Variants in DKK2 observed in about 807,000 individuals in gnomAD.
The protein encoded by DKK2 is dickkopf-related protein 2.
A neutral mutation model predicts 28.1 loss-of-function variants in DKK2; 11 were observed. The ratio of observed to expected loss-of-function variants is 0.39; its 90% CI spans 0.25 to 0.65. The LOEUF is 0.65. Ranked by LOEUF, DKK2 falls within the 30% of genes least tolerant of loss-of-function variation. The probability of loss-of-function intolerance (pLI) is 0.47; values close to 1 mark genes in which losing one functional copy is unlikely to be tolerated. For missense variants in DKK2, 326 were observed against 335.5 expected (o/e 0.97, Z 0.22); for synonymous variants, 135 against 126.5 (o/e 1.07, Z -0.45).
chr4:106,947,820 G>A (rs141307728), intron 1 of DKK2, among the ~76,000 whole-genome samples: 16 of 151,974 alleles, frequency 1.1e-4, no homozygotes, highest in African/African-American at 3.6e-4. Flanking sequence ...GGCTGCAGGT[G>A]TATACCACCA....
At chr4:107,008,933 T>A (rs545790586) in intron 1 of DKK2, among the ~76,000 whole-genome samples, 1 of 152,160 alleles carries the variant, frequency 6.6e-6, no homozygotes, top group African/African-American at 2.4e-5. Flanking sequence ...AACTAGATTA[T>A]CTAACAGAAA....
intron 1 of DKK2, among the ~76,000 whole-genome samples, chr4:106,965,762 C>T (rs1722771655): frequency 7.9e-6 from 1 of 126,692 alleles, no homozygotes; most frequent in Non-Finnish European, 1.6e-5. Context: ...CACCCCACAA[C>T]AGTCCCCAGA....
chr4:106,980,480 C>T (rs1259326571), intron 1 of DKK2, among the ~76,000 whole-genome samples: 1 of 151,924 alleles, frequency 6.6e-6, no homozygotes, highest in Non-Finnish European at 1.5e-5. Context: ...AAAGTAAAGC[C>T]AATGGAAGAT....
chr4:106,950,735 T>A (rs1316884029), intron 1 of DKK2, among the ~76,000 whole-genome samples: 1 of 152,190 alleles, frequency 6.6e-6, no homozygotes, highest in Admixed American at 6.6e-5. Context: ...AAAGTTTACC[T>A]CACTACCTGA....
chr4:107,002,606 G>T (rs1723375476), intron 1 of DKK2, among the ~76,000 whole-genome samples: 1 of 152,130 alleles, frequency 6.6e-6, no homozygotes, highest in African/African-American at 2.4e-5. Flanking sequence ...AAAGGGAAGA[G>T]AAAACCACTA....
At chr4:107,032,365 G>C (rs4956284) in intron 1 of DKK2, among the ~76,000 whole-genome samples, 1 of 151,720 alleles carries the variant, frequency 6.6e-6, no homozygotes, top group African/African-American at 2.4e-5. Flanking sequence ...ACATTTTCTA[G>C]AAGTGATATT....
At position 106,925,810 on chromosome 4, in the gene DKK2, C is replaced by T. The variant is rs201662083; in HGVS notation, c.362G>A (p.Arg121His). 542 of 1,608,184 alleles carry T rather than the reference C, an allele frequency of 3.4e-4. 1 individual carries two copies. Among genetic ancestry groups the T allele is most frequent in the Non-Finnish European group, 4.2e-4 (499 of 1,177,904 alleles). ...HRDGMCCPSTRCNNGICIPVT... is the reference protein window; with the variant it reads ...HRDGMCCPSTHCNNGICIPVT... ...GTGAGATCTTTTACCATTATTGCAG[C>T]GGGTACTGGGGCAGCACATGCCATC... The change falls in exon 2 of 4, where the codon CGC becomes CAC. Residue 121 changes from arginine (R) to histidine (H), a missense_variant. Arg to His is a conservative substitution (Grantham distance 29, BLOSUM62 0). Transcript: ENST00000285311.
chr4:106,952,497 C>T lies in DKK2; in HGVS notation c.223-26548G>A, dbSNP rs141288129. ...ACGAGATGAAGGTTAAGAATCTTCACTGTGCCTTTCTATTTACAACATTTC... is the reference window on the plus strand; with the variant it reads ...ACGAGATGAAGGTTAAGAATCTTCATTGTGCCTTTCTATTTACAACATTTC... On this transcript the variant is annotated intron_variant, in intron 1 of 3. Coordinates refer to ENST00000285311, the MANE Select transcript of DKK2 (RefSeq NM_014421.3). 3.1e-3 allele frequency among the ~76,000 whole-genome samples: 478 copies of T among 152,230 alleles called. 1 individual carries two copies. The highest frequency in any genetic ancestry group is 4.4e-3 in the Non-Finnish European group (298 of 67,980).
chr4:107,031,224 A>G (rs1468430611), intron 1 of DKK2, among the ~76,000 whole-genome samples: 3 of 151,936 alleles, frequency 2.0e-5, no homozygotes, highest in African/African-American at 7.2e-5. Flanking sequence ...GATTGTGTTT[A>G]GTGTTAGTCA....
At chr4:107,015,722 G>A (rs560424289) in intron 1 of DKK2, among the ~76,000 whole-genome samples, 1 of 151,510 alleles carries the variant, frequency 6.6e-6, no homozygotes, top group South Asian at 2.1e-4. Flanking sequence ...CTATATCTAG[G>A]CTCTCTAATC....
intron 1 of DKK2, among the ~76,000 whole-genome samples, chr4:107,033,023 C>A (rs2110378977): frequency 6.6e-6 from 1 of 151,202 alleles, no homozygotes; most frequent in South Asian, 2.1e-4. Context: ...AAGAATTATT[C>A]TTTTCACTTC....
At chr4:107,025,008 T>C (rs773743755) in intron 1 of DKK2, among the ~76,000 whole-genome samples, 3 of 152,182 alleles carry the variant, frequency 2.0e-5, no homozygotes, top group South Asian at 2.1e-4. Flanking sequence ...AAATGTTTCA[T>C]AGTTATGGCT....
intron 1 of DKK2, among the ~76,000 whole-genome samples, chr4:107,030,959 G>C (rs1199059181): frequency 6.6e-6 from 1 of 151,882 alleles, no homozygotes; most frequent in Non-Finnish European, 1.5e-5. Context: ...ATTATGACAG[G>C]GTCAGAGTCA....
intron 1 of DKK2, among the ~76,000 whole-genome samples, chr4:106,936,053 G>C (rs1724582641): frequency 6.6e-6 from 1 of 152,060 alleles, no homozygotes; most frequent in South Asian, 2.1e-4. Context: ...CTAAATAGCA[G>C]AGCACCTCTC....
intron 1 of DKK2, among the ~76,000 whole-genome samples, chr4:107,011,537 T>C (rs1445796240): frequency 6.6e-6 from 1 of 151,638 alleles, no homozygotes; most frequent in Non-Finnish European, 1.5e-5. Context: ...TATATTTTGG[T>C]ATGCAGCAAA....
At chr4:106,987,430 C>T (rs950209489) in intron 1 of DKK2, among the ~76,000 whole-genome samples, 10 of 152,198 alleles carry the variant, frequency 6.6e-5, no homozygotes, top group East Asian at 1.9e-4. Context: ...CTAACACCCA[C>T]GTCCCTTTCT....
intron 1 of DKK2, among the ~76,000 whole-genome samples, chr4:106,946,835 TA>T (rs964787840): frequency 5.9e-5 from 9 of 152,006 alleles, no homozygotes; most frequent in Admixed American, 4.6e-4. Context: ...ACTGGGCTTA[TA>T]AATAGGTGCT....
chr4:106,997,904 G>A (rs972586366), intron 1 of DKK2, among the ~76,000 whole-genome samples: 2 of 152,134 alleles, frequency 1.3e-5, no homozygotes, highest in East Asian at 1.9e-4. Context: ...TGTGAAAATG[G>A]ATTCCATTAG....
chr4:106,994,544 T>A (rs1723246461), intron 1 of DKK2, among the ~76,000 whole-genome samples: 1 of 151,936 alleles, frequency 6.6e-6, no homozygotes. Flanking sequence ...AATTAAAGTT[T>A]ATAATAATTT....
Sources: gnomAD v4.1 joint callset for allele counts (sites outside exome capture counted in the v4.1 genomes callset) on GRCh38, gnomAD v4.1.1 for gene constraint, MANE v1.5 for transcripts, NCBI Gene and HGNC (gene_info 2026-07-23, HGNC 2026-07-21) for gene names.